The following SLC24A2 variants were observed in gnomAD, a reference collection of about 807,000 sequenced individuals.
The protein encoded by SLC24A2 is sodium/potassium/calcium exchanger 2.
SLC24A2 carries 36 observed loss-of-function variants against 62.0 expected under a neutral mutation model. The ratio of observed to expected loss-of-function variants is 0.58; its 90% confidence interval spans 0.44 to 0.77. SLC24A2 has a LOEUF of 0.77. SLC24A2 is among the 30% of genes least tolerant of loss of function. The pLI is 0.00. For missense variants in SLC24A2, 846 were observed against 817.9 expected (o/e 1.03, Z -0.42); for synonymous variants, 358 against 294.0 (o/e 1.22, Z -2.23).
chr9:20,027,095 T>C, the SLC24A2 span, among the ~76,000 whole-genome samples: 3 of 152,066 alleles, frequency 2.0e-5, no homozygotes, highest in Admixed American at 6.6e-5. Context: ...ATCAGAGAAA[T>C]GCAAATCAGA....
chr9:19,784,955 C>G (rs1387303461), intron 2 of SLC24A2, among the ~76,000 whole-genome samples: 5 of 151,396 alleles, frequency 3.3e-5, no homozygotes, highest in African/African-American at 9.7e-5. Context: ...AATCTTTCAC[C>G]CCCTGCTCAA....
chr9:19,636,315 T>TTTTCTTTTCTTTTCTCTCTTTC, intron 2 of SLC24A2, among the ~76,000 whole-genome samples: 1 of 40,328 alleles, frequency 2.5e-5, no homozygotes, highest in Non-Finnish European at 4.7e-5. Flanking sequence ...TTTTCTTTTC[T>TTTTCTTTTCTTTTCTCTCTTTC]TTTCTTTCTT....
intron 2 of SLC24A2, among the ~76,000 whole-genome samples, chr9:19,654,571 G>A (rs1818890883): frequency 2.6e-5 from 4 of 152,182 alleles, no homozygotes; most frequent in Admixed American, 2.6e-4. Flanking sequence ...GTAAAGGAAT[G>A]GGGCATGGCA....
At chr9:20,054,243 A>C in the SLC24A2 span, among the ~76,000 whole-genome samples, 1 of 151,476 alleles carries the variant, frequency 6.6e-6, no homozygotes, top group Non-Finnish European at 1.5e-5. Flanking sequence ...CCAGGCTGGA[A>C]TGCAGTGGTG....
the SLC24A2 span, among the ~76,000 whole-genome samples, chr9:20,004,229 C>T: frequency 2.0e-5 from 3 of 152,336 alleles, no homozygotes; most frequent in Admixed American, 1.3e-4. Flanking sequence ...ACCTTTGCTT[C>T]CCAAATACTT....
the SLC24A2 span, among the ~76,000 whole-genome samples, chr9:20,113,062 G>T: frequency 6.6e-6 from 1 of 151,358 alleles, no homozygotes; most frequent in Non-Finnish European, 1.5e-5. Flanking sequence ...ACCCTACCAT[G>T]AGCTCCATCC....
At chr9:19,644,992 A>C (rs1818601763) in intron 2 of SLC24A2, among the ~76,000 whole-genome samples, 1 of 152,206 alleles carries the variant, frequency 6.6e-6, no homozygotes, top group African/African-American at 2.4e-5. Flanking sequence ...GAAACTATAC[A>C]AGGAGAATCA....
At chr9:19,816,834 C>A in the SLC24A2 span, among the ~76,000 whole-genome samples, 1 of 151,930 alleles carries the variant, frequency 6.6e-6, no homozygotes, top group Non-Finnish European at 1.5e-5. Flanking sequence ...ATGAGAAACT[C>A]ACTCCCATGA....
the SLC24A2 span, among the ~76,000 whole-genome samples, chr9:20,142,397 A>T: frequency 1.3e-5 from 2 of 152,092 alleles, no homozygotes; most frequent in African/African-American, 4.8e-5. Flanking sequence ...TCAGACATGG[A>T]CATAGTATTA....
the SLC24A2 span, among the ~76,000 whole-genome samples, chr9:19,951,586 G>A: frequency 1.3e-5 from 2 of 151,652 alleles, no homozygotes; most frequent in Non-Finnish European, 2.9e-5. Context: ...ATAGATATCC[G>A]GTGTCTGGTG....
At chr9:20,263,839 T>A in the SLC24A2 span, among the ~76,000 whole-genome samples, 1 of 114,082 alleles carries the variant, frequency 8.8e-6, no homozygotes, top group African/African-American at 3.3e-5. Flanking sequence ...CTCTCCCTTG[T>A]GCCCTCCTGG....
intron 2 of SLC24A2, among the ~76,000 whole-genome samples, chr9:19,665,742 A>G (rs1479939096): frequency 6.6e-6 from 1 of 152,012 alleles, no homozygotes; most frequent in Non-Finnish European, 1.5e-5. Flanking sequence ...TGCCCACCTC[A>G]GCCCTCAAGT....
the SLC24A2 span, among the ~76,000 whole-genome samples, chr9:20,236,546 T>A: frequency 6.6e-6 from 1 of 152,206 alleles, no homozygotes; most frequent in Non-Finnish European, 1.5e-5. Context: ...GGATGTCTAT[T>A]TATCTTGTCC....
chr9:20,094,634 T>C, the SLC24A2 span, among the ~76,000 whole-genome samples: 1 of 152,192 alleles, frequency 6.6e-6, no homozygotes, highest in Non-Finnish European at 1.5e-5. Flanking sequence ...GTATGTCTTT[T>C]GAACAGTTCT....
the SLC24A2 span, among the ~76,000 whole-genome samples, chr9:20,040,939 G>A: frequency 6.6e-6 from 1 of 152,200 alleles, no homozygotes; most frequent in Non-Finnish European, 1.5e-5. Context: ...CTATATGAAG[G>A]GGAGACAGGA....
At chr9:19,621,770 T>C (rs1817914766) in intron 3 of SLC24A2, among the ~76,000 whole-genome samples, 2 of 152,066 alleles carry the variant, frequency 1.3e-5, no homozygotes, top group South Asian at 4.1e-4. Flanking sequence ...TGAAAAAGAT[T>C]ACATCTAGAG....
intron 2 of SLC24A2, among the ~76,000 whole-genome samples, chr9:19,743,597 A>C (rs1034139309): frequency 6.6e-6 from 1 of 152,178 alleles, no homozygotes; most frequent in African/African-American, 2.4e-5. Flanking sequence ...ATATTCAAAA[A>C]GAGAGAAAGA....
Position 19,727,229 on chromosome 9 carries a change from T to C in SLC24A2, c.930+58708A>G, listed in dbSNP as rs191107696. On this transcript the variant is annotated intron_variant, in intron 2 of 10. Transcript: ENST00000341998. ...TTGACATACATATTAGACATTTTTA[T>C]GTGGATAAAACCAAAGAAGAGGGGG... Among the ~76,000 whole-genome samples the C allele has an allele frequency of 3.9e-5, 6 of 152,330 alleles. No homozygotes were observed. The East Asian group carries it at 7.7e-4, about 20-fold the overall frequency.
At chr9:19,834,295 C>T in the SLC24A2 span, among the ~76,000 whole-genome samples, 4 of 151,434 alleles carry the variant, frequency 2.6e-5, no homozygotes, top group Non-Finnish European at 4.4e-5. Flanking sequence ...GGAGGAAGTT[C>T]GAACCAATGG....
Sources: allele counts gnomAD v4.1 joint callset (sites outside exome capture counted in the v4.1 genomes callset), GRCh38; gene constraint gnomAD v4.1.1; transcripts MANE v1.5; gene names NCBI Gene and HGNC (gene_info 2026-07-23, HGNC 2026-07-21).